HTR1E: variants seen among roughly 807,000 people sequenced by gnomAD.
HTR1E encodes 5-hydroxytryptamine receptor 1E.
Under a neutral mutation model 3.4 loss-of-function variants are expected in HTR1E, and 3 were observed. That is an observed-to-expected ratio of 0.89 (90% CI 0.41 to 2.31). HTR1E has a LOEUF of 2.31. Among genes scored for constraint, HTR1E ranks in the 30% most tolerant of loss-of-function variants. The probability of loss-of-function intolerance (pLI) is 0.05; values close to 1 mark genes in which losing one functional copy is unlikely to be tolerated. For synonymous variants in HTR1E, 170 were observed against 182.8 expected (o/e 0.93, Z 0.56); for missense variants, 392 against 467.0 (o/e 0.84, Z 1.48).
intron 1 of HTR1E, chr6:86,971,292 C>T (rs1017980412): frequency 1.1e-5 from 3 of 281,340 alleles, no homozygotes; most frequent in Non-Finnish European, 2.0e-5. Context: ...CAGCACATAT[C>T]AAATACTTAT....
At chr6:87,014,254 TATAATAATA>T (rs200002987) in intron 1 of HTR1E, among the ~76,000 whole-genome samples, 14,201 of 143,752 alleles carry the variant, frequency 0.099, 882 homozygotes, top group East Asian at 0.26. Context: ...GAACTTAAAG[TATAATAATA>T]ATAATAATAA....
At chr6:86,938,855 G>A (rs1336102440) in intron 1 of HTR1E, among the ~76,000 whole-genome samples, 1 of 152,164 alleles carries the variant, frequency 6.6e-6, no homozygotes, top group African/African-American at 2.4e-5. Context: ...ATCGTCCTAA[G>A]CTGAATTTAA....
chr6:86,951,811 T>C (rs1767248114), intron 1 of HTR1E, among the ~76,000 whole-genome samples: 1 of 152,164 alleles, frequency 6.6e-6, no homozygotes, highest in African/African-American at 2.4e-5. Context: ...AAATGAATAA[T>C]GCAAATAAGA....
intron 1 of HTR1E, among the ~76,000 whole-genome samples, chr6:86,988,935 G>C (rs1767834724): frequency 6.6e-6 from 1 of 152,094 alleles, no homozygotes. Flanking sequence ...GTTAAAACCA[G>C]GAATTAATGT....
intron 1 of HTR1E, among the ~76,000 whole-genome samples, chr6:86,980,833 G>A (rs1767701762): frequency 6.6e-6 from 1 of 152,102 alleles, no homozygotes; most frequent in African/African-American, 2.4e-5. Flanking sequence ...ATTCCTATGA[G>A]ATTCACAGTT....
chr6:86,984,882 A>G (rs1767762373), intron 1 of HTR1E, among the ~76,000 whole-genome samples: 1 of 152,178 alleles, frequency 6.6e-6, no homozygotes, highest in Non-Finnish European at 1.5e-5. Flanking sequence ...TCAAACTAAG[A>G]TGCAAGGTGG....
At chr6:87,009,931 G>A (rs1768181910) in intron 1 of HTR1E, among the ~76,000 whole-genome samples, 1 of 124,706 alleles carries the variant, frequency 8.0e-6, no homozygotes, top group South Asian at 2.6e-4. Flanking sequence ...CCGGGCAGAG[G>A]GGCTCCTCAC....
In HTR1E at chr6:87,015,926, A is replaced by G. The variant is rs1408374939; in HGVS notation, c.592A>G (p.Ile198Val). 1 of 1,613,872 alleles carries G rather than the reference A, an allele frequency of 6.2e-7. No homozygotes were observed. Among genetic ancestry groups the G allele is most frequent in the South Asian group, 1.1e-5 (1 of 91,062 alleles). ...LGAFYIPLTL[I>V]LILYYRIYHA... ...TGCGTTTTATATCCCCTTGACTTTG[A>G]TACTGATTCTCTATTACCGGATTTA... Residue 198 changes from isoleucine to valine, a missense_variant, in exon 2 of 2, where the codon ATA becomes GTA. By Grantham distance (29) the Ile-to-Val change is conservative (BLOSUM62 3). Coordinates refer to ENST00000305344, the MANE Select transcript of HTR1E (RefSeq NM_000865.3).
chr6:87,012,792 AGAT>A (rs886618768), intron 1 of HTR1E, among the ~76,000 whole-genome samples: 13 of 152,346 alleles, frequency 8.5e-5, no homozygotes, highest in African/African-American at 3.1e-4. Flanking sequence ...CTTTAGAGAA[AGAT>A]GTCATTATTC....
chr6:87,005,483 G>A (rs1768088971), intron 1 of HTR1E, among the ~76,000 whole-genome samples: 1 of 152,090 alleles, frequency 6.6e-6, no homozygotes, highest in Non-Finnish European at 1.5e-5. Context: ...GAACATACAT[G>A]AGGAAAGAAC....
At chr6:86,950,648 A>G (rs1303871398) in intron 1 of HTR1E, among the ~76,000 whole-genome samples, 4 of 152,238 alleles carry the variant, frequency 2.6e-5, no homozygotes, top group African/African-American at 4.8e-5. Context: ...TACCTGCCAC[A>G]TAATAAGCAC....
intron 1 of HTR1E, among the ~76,000 whole-genome samples, chr6:86,963,759 T>C (rs1377634537): frequency 6.6e-6 from 1 of 152,246 alleles, no homozygotes; most frequent in African/African-American, 2.4e-5. Flanking sequence ...CAATAGGCTA[T>C]ATCACATGGT....
intron 1 of HTR1E, among the ~76,000 whole-genome samples, chr6:86,938,312 T>C (rs913489607): frequency 2.0e-5 from 3 of 152,148 alleles, no homozygotes; most frequent in Non-Finnish European, 4.4e-5. Context: ...AAAATAATAC[T>C]GTGCTCAGTC....
chr6:86,958,160 A>G (rs1767352279), intron 1 of HTR1E, among the ~76,000 whole-genome samples: 1 of 149,594 alleles, frequency 6.7e-6, no homozygotes, highest in African/African-American at 2.5e-5. Flanking sequence ...CTGGGTTGAC[A>G]CCATTCTCCT....
chr6:86,994,939 T>C (rs977272961), intron 1 of HTR1E, among the ~76,000 whole-genome samples: 2 of 152,140 alleles, frequency 1.3e-5, no homozygotes, highest in African/African-American at 4.8e-5. Context: ...ATATATCATA[T>C]AATATCTAGA....
chr6:86,976,742 C>G (rs1231223859), intron 1 of HTR1E, among the ~76,000 whole-genome samples: 4 of 152,240 alleles, frequency 2.6e-5, no homozygotes, highest in Non-Finnish European at 4.4e-5. Context: ...CCCCTACCAA[C>G]GATCCAGAAA....
At chr6:87,008,538 T>C (rs1006541475) in intron 1 of HTR1E, among the ~76,000 whole-genome samples, 1 of 152,180 alleles carries the variant, frequency 6.6e-6, no homozygotes, top group Non-Finnish European at 1.5e-5. Context: ...ACCAATAGAT[T>C]AGCTAAATTG....
intron 1 of HTR1E, chr6:86,970,551 A>C: frequency 5.6e-6 from 1 of 179,650 alleles, no homozygotes; most frequent in East Asian, 1.3e-4. Flanking sequence ...CACCTGAGAA[A>C]GAAGTTTGCC....
At chr6:86,976,082 T>C (rs1767635281) in intron 1 of HTR1E, among the ~76,000 whole-genome samples, 1 of 152,092 alleles carries the variant, frequency 6.6e-6, no homozygotes, top group Non-Finnish European at 1.5e-5. Context: ...TGTATTCTGT[T>C]GCTGGAAAGA....
Sources: allele counts gnomAD v4.1 joint callset (sites outside exome capture counted in the v4.1 genomes callset), GRCh38; gene constraint gnomAD v4.1.1; transcripts MANE v1.5; gene names NCBI Gene and HGNC (gene_info 2026-07-23, HGNC 2026-07-21).